The following MED13 variants were observed in gnomAD, a reference collection of about 807,000 sequenced individuals.
MED13 encodes mediator complex subunit 13, also known as mediator of RNA polymerase II transcription subunit 13.
MED13 carries 23 observed loss-of-function variants against 225.2 expected under a neutral mutation model. The ratio of observed to expected loss-of-function variants is 0.10; its 90% CI spans 0.07 to 0.14. The LOEUF (loss-of-function observed/expected upper bound fraction) is 0.14, where lower values mean the gene tolerates loss of function less well. Ranked by LOEUF, MED13 falls within the 10% of genes least tolerant of loss-of-function variation. The pLI, the probability that MED13 is intolerant of heterozygous loss-of-function variation, is 1.00. For missense variants in MED13, 2,197 were observed against 2,594.5 expected, an observed-to-expected ratio of 0.85 and a Z score of 3.33; for synonymous variants, 942 against 889.2, an observed-to-expected ratio of 1.06 and a Z score of -1.06.
chr17:62,048,062 ATG>A (rs35222515), intron 3 of MED13, among the ~76,000 whole-genome samples: 51 of 137,286 alleles, frequency 3.7e-4, no homozygotes, highest in East Asian at 2.4e-3. Context: ...ATATATATAT[ATG>A]TATATATGTA....
rs1006096563 is a variant in MED13, at chr17:62,065,078, C to G, written c.66+62G>C. 6.2e-6 allele frequency: 9 copies of G among 1,440,686 alleles called. No individual in the cohort carries two copies. The African/African-American group carries it at 1.2e-4, about 19-fold the overall frequency. The allele number at this position is 1,440,686 out of a possible 1,614,324, so 89.2% of individuals were successfully genotyped here. On this transcript the variant is annotated intron_variant, in intron 1 of 29. Coordinates refer to ENST00000397786, the MANE Select transcript of MED13 (RefSeq NM_005121.3). ...CTGGACCAGACCCGGCCCCCTCCCC[C>G]ACGGCCCAAGGGCGCACCTCGCGGC...
Position 61,946,958 on chromosome 17 carries a change from G to A in MED13, c.6351C>T (p.His2117=), listed in dbSNP as rs1253743619. Residue 2117 remains histidine, a synonymous_variant, in exon 29 of 30, where the codon CAC becomes CAT. Coordinates refer to ENST00000397786, the MANE Select transcript of MED13 (RefSeq NM_005121.3). ...TCTGATTTGAGTCAAGTGGGTGGGA[G>A]TGTTTACTGTGAAGCAGCTCGTCAG... ...VQSDELLHSK[H]SHPLDSNQTS... The A allele has an allele frequency of 6.2e-7, 1 of 1,614,002 alleles. No homozygotes were observed. The highest frequency in any genetic ancestry group is 1.1e-5 in the South Asian group (1 of 91,086).
Position 62,011,049 on chromosome 17 carries a change from C to T in MED13, c.1468G>A (p.Ala490Thr), listed in dbSNP as rs1260567078. Reference sequence around the variant, plus strand: ...ACAAGTCTTTGGCTGGCTGAATCTGCGTCCATGCCAACATCATCACTAACA... The same window carrying T: ...ACAAGTCTTTGGCTGGCTGAATCTGTGTCCATGCCAACATCATCACTAACA... The part of the protein sequence containing the change: ...VSVSDDVGMD[A>T]DSASQRLVIS... Residue 490 changes from alanine (A) to threonine (T), a missense_variant, in exon 9 of 30, where the codon GCA becomes ACA. Ala to Thr is a moderately conservative substitution (Grantham distance 58). Transcript: ENST00000397786. 5 of 1,614,056 alleles carry T rather than the reference C, an allele frequency of 3.1e-6. No homozygotes were observed. The African/African-American group carries it at 4.0e-5, about 13-fold the overall frequency.
At chr17:61,947,323 G>C (rs2079859215) in intron 28 of MED13, among the ~76,000 whole-genome samples, 2 of 151,770 alleles carry the variant, frequency 1.3e-5, no homozygotes, top group Admixed American at 1.3e-4. Context: ...ATGAGCCACT[G>C]TGCCTAGCCA....
rs2079993244 is a variant in MED13 at position 61,960,953 on chromosome 17, A to G, written c.5394T>C (p.His1798=). Residue 1798 remains histidine, a synonymous_variant, in exon 23 of 30, where the codon CAT becomes CAC. Transcript: ENST00000397786. ...AAGATGCAAGAATCCACCTTTGATC[A>G]TGTGATAAACAGTATCCCACAAAAA... is the stretch of plus-strand genomic sequence containing the variant. ...NVLFVGYCLS[H]DQRWILASCT... 9.3e-6 allele frequency: 15 copies of G among 1,613,954 alleles called. No individual in the cohort carries two copies. The highest frequency in any genetic ancestry group is 1.3e-5 in the Non-Finnish European group (15 of 1,179,932).
intron 2 of MED13, among the ~76,000 whole-genome samples, chr17:62,054,303 AAAAC>A (rs1203371062): frequency 2.0e-4 from 30 of 152,304 alleles, no homozygotes; most frequent in East Asian, 7.7e-4. Flanking sequence ...AGTCTCCAAA[AAAAC>A]AAACAAACAA....
chr17:62,034,199 C>T (rs889083089), intron 4 of MED13, among the ~76,000 whole-genome samples: 3 of 152,112 alleles, frequency 2.0e-5, no homozygotes, highest in African/African-American at 7.2e-5. Context: ...AATTTGTCTG[C>T]CCAGGCTGGG....
At chr17:61,971,787 A>G (rs1260826396) in intron 17 of MED13, among the ~76,000 whole-genome samples, 1 of 151,980 alleles carries the variant, frequency 6.6e-6, no homozygotes, top group East Asian at 1.9e-4. Flanking sequence ...TAAAAAAATG[A>G]GCCGGGCATG....
chr17:61,989,871 A>T (rs1473847439), intron 11 of MED13, among the ~76,000 whole-genome samples: 1 of 152,188 alleles, frequency 6.6e-6, no homozygotes, highest in African/African-American at 2.4e-5. Context: ...CCCTATACAC[A>T]TTTTAGGATT....
intron 9 of MED13, among the ~76,000 whole-genome samples, chr17:62,003,542 T>C (rs988833274): frequency 7.2e-6 from 1 of 139,408 alleles, no homozygotes; most frequent in African/African-American, 2.8e-5. Flanking sequence ...GAGGCAGAGG[T>C]TGCAGTGAGC....
chr17:62,008,108 G>C (rs1039573179), intron 9 of MED13, among the ~76,000 whole-genome samples: 1 of 150,380 alleles, frequency 6.6e-6, no homozygotes, highest in African/African-American at 2.4e-5. Flanking sequence ...ATGAGGTCAG[G>C]AGATCGAGAC....
chr17:61,990,436 A>G (rs1012152733), intron 11 of MED13, among the ~76,000 whole-genome samples: 4 of 152,116 alleles, frequency 2.6e-5, no homozygotes, highest in African/African-American at 9.7e-5. Context: ...AATTCTCCTC[A>G]TACCAGTCTC....
chr17:62,034,928 G>A (rs2080789557), intron 4 of MED13, among the ~76,000 whole-genome samples: 1 of 151,922 alleles, frequency 6.6e-6, no homozygotes, highest in Non-Finnish European at 1.5e-5. Flanking sequence ...AGACCAGCCT[G>A]GCCAACAAGA....
intron 9 of MED13, among the ~76,000 whole-genome samples, chr17:62,001,353 G>A (rs566270139): frequency 1.3e-5 from 2 of 152,056 alleles, no homozygotes; most frequent in East Asian, 1.9e-4. Context: ...TCCCAGTGTC[G>A]GCCTCACATC....
At chr17:61,969,624 G>C (rs982577488) in intron 17 of MED13, among the ~76,000 whole-genome samples, 10 of 151,914 alleles carry the variant, frequency 6.6e-5, no homozygotes, top group African/African-American at 2.4e-4. Context: ...TTGTTTTTGA[G>C]ACAGTCTTGC....
chr17:62,050,390 A>C (rs2080945936), intron 3 of MED13, among the ~76,000 whole-genome samples: 1 of 151,914 alleles, frequency 6.6e-6, no homozygotes. Context: ...AGGAGAGGGA[A>C]AAGAAGTGTG....
At position 62,015,877 on chromosome 17, in the gene MED13, G is replaced by GTGTA. The variant is rs1216825592; in HGVS notation, c.1284-4645_1284-4644insTACA. Among the ~76,000 whole-genome samples, 50 of 59,166 alleles carry GTGTA rather than the reference G, an allele frequency of 8.5e-4. 1 individual carries two copies. The highest frequency in any genetic ancestry group is 2.6e-3 in the African/African-American group (41 of 15,808). 38.8% of individuals were successfully genotyped at this position (59,166 alleles called of 152,430 possible). A position where few individuals can be genotyped will look rare whatever the true frequency, so the allele number is the denominator to read the frequency against. ...ATGTGTATAGTGTGTATGTGTGTGT[G>GTGTA]TATATATATACACACACACACACAT... On this transcript the variant is annotated intron_variant, in intron 8 of 29. Transcript: ENST00000397786.
chr17:62,022,248 T>C (rs527245251), intron 8 of MED13, among the ~76,000 whole-genome samples: 2 of 151,540 alleles, frequency 1.3e-5, no homozygotes, highest in South Asian at 4.2e-4. Flanking sequence ...GACTTCATAA[T>C]AGCAGGAGCT....
At chr17:62,013,462 T>C (rs765199803) in intron 8 of MED13, among the ~76,000 whole-genome samples, 24 of 151,684 alleles carry the variant, frequency 1.6e-4, no homozygotes, top group Non-Finnish European at 2.7e-4. Context: ...AAAAACCCTA[T>C]TAATACTATT....
Sources: allele counts gnomAD v4.1 joint callset (sites outside exome capture counted in the v4.1 genomes callset), GRCh38; gene constraint gnomAD v4.1.1; transcripts MANE v1.5; gene names NCBI Gene and HGNC (gene_info 2026-07-23, HGNC 2026-07-21).